CLASP1: variants seen among roughly 807,000 people sequenced by gnomAD.
The protein encoded by CLASP1 is CLIP-associating protein 1.
A neutral mutation model predicts 192.3 loss-of-function variants in CLASP1; 38 were observed. That is an observed-to-expected ratio of 0.20 (90% CI 0.15 to 0.26). CLASP1 has a LOEUF of 0.26. Among genes scored for constraint, CLASP1 ranks in the 10% least tolerant of loss-of-function variants. The probability of loss-of-function intolerance (pLI) is 1.00; values close to 1 mark genes in which losing one functional copy is unlikely to be tolerated. For synonymous variants in CLASP1, 691 were observed against 712.8 expected, an observed-to-expected ratio of 0.97 and a Z score of 0.49; for missense variants, 1,433 against 1,932.5, an observed-to-expected ratio of 0.74 and a Z score of 4.85.
exon 15 of CLASP1, chr2:121,451,819 T>C: frequency 6.4e-7 from 1 of 1,574,528 alleles, no homozygotes; most frequent in Non-Finnish European, 8.6e-7. Flanking sequence ...GCCATTCTTG[T>C]AAAAGCAAAT....
chr2:121,574,989 TA>T (rs569395578), intron 2 of CLASP1, among the ~76,000 whole-genome samples: 5 of 147,848 alleles, frequency 3.4e-5, no homozygotes, highest in Non-Finnish European at 4.5e-5. Flanking sequence ...CTTCTCACCA[TA>T]AAAAAAAAAC....
chr2:121,609,927 G>A (rs1398247136), intron 1 of CLASP1, among the ~76,000 whole-genome samples: 1 of 152,134 alleles, frequency 6.6e-6, no homozygotes, highest in Non-Finnish European at 1.5e-5. Flanking sequence ...AACAGAGAGA[G>A]ACTTTGTCTC....
chr2:121,427,366 A>C (rs1253573416), intron 21 of CLASP1, 38 bp downstream of exon 21: 1 of 1,610,376 alleles, frequency 6.2e-7, no homozygotes, highest in Non-Finnish European at 8.5e-7. Flanking sequence ...TGCCAACAAC[A>C]ACAACAACAA....
chr2:121,504,247 A>C (rs2093866488), intron 7 of CLASP1, among the ~76,000 whole-genome samples: 1 of 151,676 alleles, frequency 6.6e-6, no homozygotes, highest in Admixed American at 6.6e-5. Flanking sequence ...AAAAAAAAAG[A>C]AAGAAAAAAG....
At chr2:121,599,213 T>C (rs1343515272) in intron 2 of CLASP1, among the ~76,000 whole-genome samples, 2 of 151,388 alleles carry the variant, frequency 1.3e-5, no homozygotes, top group Non-Finnish European at 2.9e-5. Context: ...CCTTCCCTGT[T>C]AAGAAAAGGA....
At chr2:121,619,726 T>C (rs1011335834) in intron 1 of CLASP1, among the ~76,000 whole-genome samples, 24 of 152,236 alleles carry the variant, frequency 1.6e-4, no homozygotes, top group Admixed American at 1.5e-3. Context: ...ATGTGAACTG[T>C]AAAAGTAGAA....
chr2:121,605,792 T>C, exon 2 of CLASP1: 1 of 1,614,054 alleles, frequency 6.2e-7, no homozygotes, highest in African/African-American at 1.3e-5. Context: ...AGCAGACTTC[T>C]GTTTGTCTGA....
chr2:121,644,429 C>T (rs1652763238), intron 1 of CLASP1, among the ~76,000 whole-genome samples: 3 of 151,884 alleles, frequency 2.0e-5, no homozygotes, highest in Middle Eastern at 6.9e-3. Context: ...GCAGGCAGAT[C>T]ACCTGAGGTC....
intron 19 of CLASP1, among the ~76,000 whole-genome samples, chr2:121,437,288 C>A (rs72969303): frequency 1.3e-5 from 2 of 152,170 alleles, no homozygotes; most frequent in Non-Finnish European, 1.5e-5. Flanking sequence ...TAATGTACTA[C>A]ATTTTCATTT....
At chr2:121,633,105 G>A (rs2070112859) in intron 1 of CLASP1, among the ~76,000 whole-genome samples, 1 of 150,704 alleles carries the variant, frequency 6.6e-6, no homozygotes, top group African/African-American at 2.5e-5. Context: ...GACAAGCTAG[G>A]AGAGAAACTT....
At chr2:121,596,926 T>C (rs905378742) in intron 2 of CLASP1, among the ~76,000 whole-genome samples, 1 of 152,178 alleles carries the variant, frequency 6.6e-6, no homozygotes, top group African/African-American at 2.4e-5. Context: ...AAAAGGAAGC[T>C]CTGGGTTAAT....
At chr2:121,592,489 T>C (rs997260186) in intron 2 of CLASP1, among the ~76,000 whole-genome samples, 1 of 152,240 alleles carries the variant, frequency 6.6e-6, no homozygotes, top group Non-Finnish European at 1.5e-5. Context: ...CAAAATATTC[T>C]ATTTTGATAG....
intron 31 of CLASP1, 130 bp downstream of exon 32, chr2:121,387,633 T>C: frequency 1.1e-6 from 1 of 872,432 alleles, no homozygotes; most frequent in Non-Finnish European, 1.8e-6. Flanking sequence ...GATGGCCCCA[T>C]CCTCAGGATG....
intron 6 of CLASP1, among the ~76,000 whole-genome samples, chr2:121,524,596 A>G (rs2094530998): frequency 6.6e-6 from 1 of 152,004 alleles, no homozygotes; most frequent in African/African-American, 2.4e-5. Context: ...AGCTGCGATC[A>G]CAGGTGAACG....
chr2:121,353,209 C>G (rs570939982), intron 37 of CLASP1, among the ~76,000 whole-genome samples: 1 of 152,176 alleles, frequency 6.6e-6, no homozygotes, highest in South Asian at 2.1e-4. Context: ...GGAATGACAC[C>G]AGAGTGGAGC....
At chr2:121,581,663 T>C (rs1344088926) in intron 2 of CLASP1, among the ~76,000 whole-genome samples, 1 of 152,200 alleles carries the variant, frequency 6.6e-6, no homozygotes, top group African/African-American at 2.4e-5. Context: ...GACAGGAGGA[T>C]TGCTTGAGCC....
chr2:121,443,122 C>T (rs1414624605), intron 19 of CLASP1, among the ~76,000 whole-genome samples: 1 of 152,166 alleles, frequency 6.6e-6, no homozygotes, highest in African/African-American at 2.4e-5. Flanking sequence ...CAAACACTGA[C>T]ACTCCCTATG....
At chr2:121,364,973 GT>G in intron 36 of CLASP1, 120 bp downstream of exon 37, 1 of 891,334 alleles carries the variant, frequency 1.1e-6, no homozygotes, top group South Asian at 1.5e-5. Flanking sequence ...ACAAATAAAT[GT>G]TTTGATGTAA....
At chr2:121,384,134 GTA>G (rs770390098) in intron 32 of CLASP1, among the ~76,000 whole-genome samples, 9 of 96,468 alleles carry the variant, frequency 9.3e-5, no homozygotes, top group East Asian at 5.1e-4. Context: ...ACATATATAT[GTA>G]TATATATATA....
Sources: allele counts gnomAD v4.1 joint callset (sites outside exome capture counted in the v4.1 genomes callset), GRCh38; gene constraint gnomAD v4.1.1; transcripts MANE v1.5; gene names NCBI Gene and HGNC (gene_info 2026-07-23, HGNC 2026-07-21).